SLC35F4: variants seen among roughly 807,000 people sequenced by gnomAD.
The protein encoded by SLC35F4 is solute carrier family 35 member F4, also known as chromosome 14 open reading frame 36.
Under a neutral mutation model 44.2 loss-of-function variants are expected in SLC35F4, and 24 were observed. The ratio of observed to expected loss-of-function variants is 0.54; its 90% confidence interval spans 0.39 to 0.76. The LOEUF is 0.76. Among genes scored for constraint, SLC35F4 ranks in the 30% least tolerant of loss-of-function variants. The pLI, the probability that SLC35F4 is intolerant of heterozygous loss-of-function variation, is 0.00. For synonymous variants in SLC35F4, 238 were observed against 223.6 expected (o/e 1.06, Z -0.57); for missense variants, 562 against 586.1 (o/e 0.96, Z 0.42).
intron 1 of SLC35F4, among the ~76,000 whole-genome samples, chr14:57,756,248 AC>A (rs2076991949): frequency 6.6e-6 from 1 of 152,122 alleles, no homozygotes; most frequent in Admixed American, 6.5e-5. Context: ...AGTGTCACAC[AC>A]CTTTTGGTGG....
Position 57,622,221 on chromosome 14 carries a change from C to G in SLC35F4, c.104-28097G>C, listed in dbSNP as rs866280138. ...AGGAACACTTTTACACTGTTGATGG[C>G]ACTGTAAACTAGTTCAACCACTGTG... is the stretch of plus-strand genomic sequence containing the variant. On this transcript the variant is annotated intron_variant, in intron 1 of 7. Coordinates refer to ENST00000556826, the MANE Select transcript of SLC35F4 (RefSeq NM_001306087.2). Among the ~76,000 whole-genome samples the G allele has an allele frequency of 1.3e-4, 16 of 122,874 alleles. 3 individuals are homozygous for G. The highest frequency in any genetic ancestry group is 4.8e-4 in the African/African-American group (15 of 31,112). The allele number at this position is 122,874 out of a possible 152,430, so 80.6% of individuals were successfully genotyped here.
At chr14:57,887,985 T>C (rs974464539) in intron 1 of SLC35F4, among the ~76,000 whole-genome samples, 2 of 152,180 alleles carry the variant, frequency 1.3e-5, no homozygotes, top group African/African-American at 4.8e-5. Context: ...ATGCTGATGG[T>C]GCAGATTTAT....
At chr14:57,827,722 C>A (rs1883937491) in intron 1 of SLC35F4, among the ~76,000 whole-genome samples, 2 of 149,120 alleles carry the variant, frequency 1.3e-5, no homozygotes, top group African/African-American at 2.5e-5. Context: ...CAATAGAAGC[C>A]AATACTTTGG....
intron 1 of SLC35F4, among the ~76,000 whole-genome samples, chr14:57,910,665 C>T (rs577702458): frequency 7.2e-5 from 11 of 152,156 alleles, no homozygotes; most frequent in Admixed American, 7.2e-4. Context: ...GCCAAATACA[C>T]ACTGTTTTGA....
At chr14:57,604,129 G>A (rs1422453351) in intron 1 of SLC35F4, 1 of 152,196 alleles carries the variant, frequency 6.6e-6, no homozygotes, top group Non-Finnish European at 1.5e-5. Flanking sequence ...ATTCCCAACT[G>A]AGGGTAGAGA....
intron 1 of SLC35F4, among the ~76,000 whole-genome samples, chr14:57,890,391 A>G (rs1888735538): frequency 6.6e-6 from 1 of 152,232 alleles, no homozygotes; most frequent in Non-Finnish European, 1.5e-5. Context: ...TATACAACAT[A>G]GTTTTTACAG....
chr14:57,733,392 C>T (rs1399543818), intron 1 of SLC35F4, among the ~76,000 whole-genome samples: 2 of 138,422 alleles, frequency 1.4e-5, no homozygotes, highest in African/African-American at 2.7e-5. Context: ...TCCCAGCAAA[C>T]CAAAAACTGG....
intron 1 of SLC35F4, among the ~76,000 whole-genome samples, chr14:57,926,939 G>A (rs928175019): frequency 1.3e-5 from 2 of 152,120 alleles, no homozygotes; most frequent in Non-Finnish European, 2.9e-5. Flanking sequence ...GCTGAGTAGA[G>A]GAGATGCAAC....
chr14:57,907,909 C>T (rs1460894594), intron 1 of SLC35F4, among the ~76,000 whole-genome samples: 3 of 151,954 alleles, frequency 2.0e-5, no homozygotes, highest in African/African-American at 7.2e-5. Context: ...TGGTTTGCTG[C>T]ACCTATTGAC....
intron 1 of SLC35F4, among the ~76,000 whole-genome samples, chr14:57,947,353 G>A (rs1890055157): frequency 6.6e-6 from 1 of 151,768 alleles, no homozygotes; most frequent in Non-Finnish European, 1.5e-5. Flanking sequence ...GTGTATAGCA[G>A]TGCTACTGAT....
At chr14:57,596,878 T>G (rs763377294) in intron 1 of SLC35F4, 1 of 1,367,512 alleles carries the variant, frequency 7.3e-7, no homozygotes, top group Non-Finnish European at 9.8e-7. Context: ...GTGGAAGAGA[T>G]CCAAGAGTAG....
At chr14:57,584,718 A>G (rs965544280) in intron 3 of SLC35F4, among the ~76,000 whole-genome samples, 1 of 152,100 alleles carries the variant, frequency 6.6e-6, no homozygotes, top group African/African-American at 2.4e-5. Context: ...AATGAAGTGC[A>G]TTCCCAAAAC....
chr14:57,667,943 C>G (rs1387636991), intron 1 of SLC35F4, among the ~76,000 whole-genome samples: 2 of 136,034 alleles, frequency 1.5e-5, no homozygotes, highest in Admixed American at 7.2e-5. Context: ...AGTTTACAGT[C>G]CCACCAACAG....
intron 1 of SLC35F4, among the ~76,000 whole-genome samples, chr14:57,758,145 G>GT (rs972507469): frequency 1.3e-4 from 19 of 151,758 alleles, no homozygotes; most frequent in African/African-American, 3.9e-4. Context: ...TAAATAATAT[G>GT]TTTTTTTGTC....
chr14:57,597,052 A>G (rs1196665073), intron 1 of SLC35F4, among the ~76,000 whole-genome samples: 1 of 152,178 alleles, frequency 6.6e-6, no homozygotes, highest in Non-Finnish European at 1.5e-5. Flanking sequence ...CCATTTAGTT[A>G]ATCTAAAGGC....
intron 1 of SLC35F4, among the ~76,000 whole-genome samples, chr14:57,882,746 A>T (rs1001816479): frequency 6.6e-6 from 1 of 152,210 alleles, no homozygotes; most frequent in Non-Finnish European, 1.5e-5. Context: ...AATCAGGTGA[A>T]AAGTTGCAAT....
chr14:57,858,122 T>C (rs978571227), intron 1 of SLC35F4, among the ~76,000 whole-genome samples: 2 of 152,000 alleles, frequency 1.3e-5, no homozygotes, highest in East Asian at 1.9e-4. Flanking sequence ...GACAGTGTGG[T>C]GATTCCTCAA....
chr14:57,947,924 T>A (rs964775059), intron 1 of SLC35F4, among the ~76,000 whole-genome samples: 3 of 152,232 alleles, frequency 2.0e-5, no homozygotes, highest in Non-Finnish European at 2.9e-5. Context: ...TGGATTTGGT[T>A]AGCTAGTATT....
chr14:57,784,037 G>T (rs1326052206), intron 1 of SLC35F4, among the ~76,000 whole-genome samples: 1 of 152,182 alleles, frequency 6.6e-6, no homozygotes, highest in African/African-American at 2.4e-5. Flanking sequence ...GACTTCACAG[G>T]ATTTATGACA....
Sources: gnomAD v4.1 joint callset for allele counts (sites outside exome capture counted in the v4.1 genomes callset) on GRCh38, gnomAD v4.1.1 for gene constraint, MANE v1.5 for transcripts, NCBI Gene and HGNC (gene_info 2026-07-23, HGNC 2026-07-21) for gene names.